NRXN3: variants seen among roughly 807,000 people sequenced by gnomAD.
The protein encoded by NRXN3 is neurexin III.
A neutral mutation model predicts 137.6 loss-of-function variants in NRXN3; 32 were observed. The observed-to-expected ratio is 0.23, with a 90% CI of 0.18 to 0.31. The LOEUF (loss-of-function observed/expected upper bound fraction) is 0.31. Ranked by LOEUF, NRXN3 falls within the 10% of genes least tolerant of loss-of-function variation. The probability of loss-of-function intolerance (pLI) is 1.00; values close to 1 mark genes in which losing one functional copy is unlikely to be tolerated. For missense variants in NRXN3, 1,574 were observed against 2,062.5 expected (o/e 0.76, Z 4.59); for synonymous variants, 798 against 784.5 (o/e 1.02, Z -0.29).
At position 79,018,089 on chromosome 14, in the gene NRXN3, A is replaced by G. The variant is rs111472527; in HGVS notation, c.3262+29948A>G. On this transcript the variant is annotated intron_variant, in intron 15 of 20. Coordinates refer to ENST00000335750, the MANE Select transcript of NRXN3 (RefSeq NM_001330195.2). ...AGCCTGGCTAACATGGTGAAACCCC[A>G]TCTCTACTAAAAATACAAAAATTAG... 8.1e-3 allele frequency among the ~76,000 whole-genome samples: 1,223 copies of G among 151,660 alleles called. 13 individuals are homozygous for G. The highest frequency in any genetic ancestry group is 0.028 in the African/African-American group (1,145 of 41,342).
intron 4 of NRXN3, among the ~76,000 whole-genome samples, chr14:78,633,177 C>T (rs1379326418): frequency 4.1e-5 from 6 of 145,778 alleles, no homozygotes; most frequent in African/African-American, 1.6e-4. Flanking sequence ...ATGGCATGAA[C>T]CCGGGAGGCA....
At chr14:78,334,277 C>T (rs888844753) in intron 4 of NRXN3, among the ~76,000 whole-genome samples, 2 of 152,166 alleles carry the variant, frequency 1.3e-5, no homozygotes, top group African/African-American at 4.8e-5. Flanking sequence ...ACTTGAGGGT[C>T]ACCAGCATAC....
intron 17 of NRXN3, among the ~76,000 whole-genome samples, chr14:79,685,937 C>T (rs576591945): frequency 1.4e-3 from 219 of 152,246 alleles, no homozygotes; most frequent in African/African-American, 5.1e-3. Context: ...GATAGCTGGA[C>T]GTAATACACC....
intron 15 of NRXN3, among the ~76,000 whole-genome samples, chr14:79,039,531 G>A (rs1386052591): frequency 6.6e-6 from 1 of 152,036 alleles, no homozygotes; most frequent in Non-Finnish European, 1.5e-5. Context: ...TGAAACACAT[G>A]TTCTGCACCA....
At chr14:78,952,332 C>A (rs17835893) in intron 10 of NRXN3, among the ~76,000 whole-genome samples, 9,065 of 152,150 alleles carry the variant, frequency 0.06, 407 homozygotes, top group Admixed American at 0.084. Flanking sequence ...GGTTAGACAC[C>A]CAAAGAAAGC....
intron 10 of NRXN3, among the ~76,000 whole-genome samples, chr14:78,827,232 C>G (rs1034278766): frequency 6.7e-6 from 1 of 148,904 alleles, no homozygotes; most frequent in African/African-American, 2.5e-5. Context: ...CACCAATGTA[C>G]TATTGCTGCA....
intron 15 of NRXN3, among the ~76,000 whole-genome samples, chr14:79,409,759 C>A (rs1380219507): frequency 1.3e-5 from 2 of 151,334 alleles, no homozygotes; most frequent in African/African-American, 4.8e-5. Flanking sequence ...CATACCTTCT[C>A]CCCCATTGCC....
chr14:79,524,973 G>A (rs940208163), intron 16 of NRXN3, among the ~76,000 whole-genome samples: 1 of 152,040 alleles, frequency 6.6e-6, no homozygotes, highest in Non-Finnish European at 1.5e-5. Context: ...TTTCTGGGTA[G>A]GGGGCAAAAC....
intron 16 of NRXN3, among the ~76,000 whole-genome samples, chr14:79,646,634 G>C (rs2098454462): frequency 1.5e-5 from 2 of 135,082 alleles, no homozygotes; most frequent in African/African-American, 4.9e-5. Flanking sequence ...GTAGATGCCT[G>C]TGGATTGGCT....
At chr14:79,100,037 C>G (rs1426264187) in intron 15 of NRXN3, among the ~76,000 whole-genome samples, 1 of 152,196 alleles carries the variant, frequency 6.6e-6, no homozygotes, top group African/African-American at 2.4e-5. Flanking sequence ...TGTGAATGCT[C>G]ATGCTAGGAG....
chr14:78,983,464 T>C (rs145895849), intron 14 of NRXN3, among the ~76,000 whole-genome samples: 2 of 152,194 alleles, frequency 1.3e-5, no homozygotes, highest in African/African-American at 4.8e-5. Flanking sequence ...CATTTGCTCA[T>C]TTTTTGATTG....
chr14:79,555,204 C>A (rs527650658), intron 16 of NRXN3, among the ~76,000 whole-genome samples: 3 of 152,048 alleles, frequency 2.0e-5, no homozygotes, highest in South Asian at 2.1e-4. Context: ...GAAGAGAGGT[C>A]ATTCCAGTCA....
chr14:78,864,198 A>G (rs1049422834), intron 10 of NRXN3, among the ~76,000 whole-genome samples: 3 of 152,144 alleles, frequency 2.0e-5, no homozygotes, highest in African/African-American at 7.2e-5. Flanking sequence ...CCCTAATTTC[A>G]TCCATTGTAA....
intron 4 of NRXN3, among the ~76,000 whole-genome samples, chr14:78,424,631 G>C (rs1245676964): frequency 6.6e-6 from 1 of 152,204 alleles, no homozygotes; most frequent in African/African-American, 2.4e-5. Context: ...CAAAAGCAAA[G>C]TATCTGGGCT....
At chr14:78,739,066 T>C (rs1276027533) in intron 8 of NRXN3, among the ~76,000 whole-genome samples, 3 of 152,238 alleles carry the variant, frequency 2.0e-5, no homozygotes, top group African/African-American at 7.2e-5. Flanking sequence ...CTTCCCCAGA[T>C]CCTATTCTCC....
At chr14:79,509,631 A>G (rs1206663181) in intron 16 of NRXN3, among the ~76,000 whole-genome samples, 1 of 151,740 alleles carries the variant, frequency 6.6e-6, no homozygotes, top group African/African-American at 2.4e-5. Flanking sequence ...AGCAGAATTT[A>G]AATGTTTTTA....
chr14:79,650,688 T>C (rs1008653156), intron 16 of NRXN3, among the ~76,000 whole-genome samples: 1 of 152,208 alleles, frequency 6.6e-6, no homozygotes, highest in Non-Finnish European at 1.5e-5. Flanking sequence ...AAATGCCCTA[T>C]ACAGAGGATA....
At chr14:79,618,704 G>T (rs1425223778) in intron 16 of NRXN3, among the ~76,000 whole-genome samples, 3 of 151,832 alleles carry the variant, frequency 2.0e-5, no homozygotes, top group African/African-American at 7.3e-5. Flanking sequence ...TATTCCTTTG[G>T]GTATAAACCT....
At chr14:79,419,499 G>A (rs1266872810) in intron 15 of NRXN3, among the ~76,000 whole-genome samples, 1 of 152,128 alleles carries the variant, frequency 6.6e-6, no homozygotes, top group Non-Finnish European at 1.5e-5. Flanking sequence ...AGTGCAAAGA[G>A]TGTGATATGG....
Sources: allele counts gnomAD v4.1 joint callset (sites outside exome capture counted in the v4.1 genomes callset), GRCh38; gene constraint gnomAD v4.1.1; transcripts MANE v1.5; gene names NCBI Gene and HGNC (gene_info 2026-07-23, HGNC 2026-07-21).